IPP: variants seen among roughly 807,000 people sequenced by gnomAD.
IPP encodes the protein actin-binding protein IPP.
Under a neutral mutation model 64.1 loss-of-function variants are expected in IPP, and 41 were observed. The ratio of observed to expected loss-of-function variants is 0.64; its 90% CI spans 0.50 to 0.83. The LOEUF is 0.83. Ranked by LOEUF, IPP falls within the 40% of genes least tolerant of loss-of-function variation. IPP has a pLI of 0.00. For synonymous variants in IPP, 214 were observed against 235.2 expected (o/e 0.91, Z 0.83); for missense variants, 649 against 703.0 (o/e 0.92, Z 0.87).
At chr1:45,737,250 T>C (rs1318830372) in intron 3 of IPP, among the ~76,000 whole-genome samples, 3 of 152,018 alleles carry the variant, frequency 2.0e-5, no homozygotes, top group Non-Finnish European at 4.4e-5. Flanking sequence ...TCTCCCTTGT[T>C]TAAACATTTA....
At chr1:45,729,810 T>A (rs763407441) in intron 3 of IPP, 41 bp from the exon 4 acceptor site, 19 of 1,209,004 alleles carry the variant, frequency 1.6e-5, no homozygotes, top group African/African-American at 3.2e-5. Flanking sequence ...AAACAATTTT[T>A]AAATAATATT....
At chr1:45,743,286 A>G (rs1178336530) in intron 2 of IPP, among the ~76,000 whole-genome samples, 1 of 146,878 alleles carries the variant, frequency 6.8e-6, no homozygotes, top group Non-Finnish European at 1.5e-5. Context: ...TGCCCAGGCT[A>G]GAGTACAGTG....
chr1:45,712,084 G>A (rs759135979), intron 8 of IPP, among the ~76,000 whole-genome samples: 2 of 152,052 alleles, frequency 1.3e-5, no homozygotes, highest in African/African-American at 2.4e-5. Context: ...GGAAGGCCGA[G>A]TCGGGTGGAT....
At chr1:45,744,837 CAA>C (rs34472879) in intron 2 of IPP, among the ~76,000 whole-genome samples, 16 of 130,098 alleles carry the variant, frequency 1.2e-4, no homozygotes, top group South Asian at 9.6e-4. Flanking sequence ...GACTCTGTCT[CAA>C]AAAAAAAAAA....
chr1:45,732,053 A>G (rs565981028), intron 3 of IPP, among the ~76,000 whole-genome samples: 10 of 152,230 alleles, frequency 6.6e-5, no homozygotes, highest in Non-Finnish European at 1.5e-4. Flanking sequence ...TTCACATGAT[A>G]CAATTGTTTA....
intron 4 of IPP, among the ~76,000 whole-genome samples, chr1:45,729,159 AAG>A (rs1426699974): frequency 6.6e-6 from 1 of 150,618 alleles, no homozygotes; most frequent in Admixed American, 6.7e-5. Context: ...AAAAAAAAAA[AAG>A]AAGAAGTTGT....
At chr1:45,702,308 T>C (rs1645465573) in intron 8 of IPP, among the ~76,000 whole-genome samples, 1 of 148,588 alleles carries the variant, frequency 6.7e-6, no homozygotes, top group African/African-American at 2.5e-5. Context: ...CCATGTTACC[T>C]CAAAAAAAAA....
intron 8 of IPP, among the ~76,000 whole-genome samples, chr1:45,708,589 G>GA (rs1645545648): frequency 1.4e-5 from 2 of 144,310 alleles, no homozygotes; most frequent in South Asian, 4.4e-4. Flanking sequence ...TGAGGCAGGA[G>GA]AATCACTTGA....
chr1:45,716,185 G>A (rs769361488), intron 7 of IPP, among the ~76,000 whole-genome samples: 10 of 152,036 alleles, frequency 6.6e-5, no homozygotes, highest in African/African-American at 9.7e-5. Flanking sequence ...TTATGTGAGC[G>A]GCATCACAAT....
intron 3 of IPP, among the ~76,000 whole-genome samples, chr1:45,731,897 A>G (rs1645911291): frequency 6.6e-6 from 1 of 151,466 alleles, no homozygotes. Context: ...TATCACGGCC[A>G]CTGCACTCCA....
chr1:45,712,804 G>A (rs1335362255), intron 8 of IPP, among the ~76,000 whole-genome samples: 1 of 147,686 alleles, frequency 6.8e-6, no homozygotes, highest in Non-Finnish European at 1.5e-5. Flanking sequence ...CTTGTAGTGA[G>A]CCCAGATCAC....
rs1215785641 is a variant in IPP at position 45,724,871 on chromosome 1, C to T, written c.1048+2760G>A. The stretch of plus-strand genomic sequence containing the variant: ...GGAGCGTCTCCGCCCGGCAGCCACC[C>T]CGTCGGGGAGGGAGGTGGGGGGGGT... On this transcript the variant is annotated intron_variant, in intron 5 of 8. Transcript: ENST00000396478. 2.1e-3 allele frequency among the ~76,000 whole-genome samples: 320 copies of T among 150,940 alleles called. 1 individual carries two copies. Among genetic ancestry groups the T allele is most frequent in the Non-Finnish European group, 4.0e-3 (268 of 67,460 alleles).
At position 45,741,818 on chromosome 1, in the gene IPP, C is replaced by T. The variant is rs1242831168; in HGVS notation, c.293-486G>A. On this transcript the variant is annotated intron_variant, in intron 2 of 8. Coordinates refer to ENST00000396478, the MANE Select transcript of IPP (RefSeq NM_005897.3). Reference sequence around the variant, plus strand: ...TAATTTTTTGTATTTTTAGTAGAGACGGGGTTTCACCGTGTTAGCCAAGAT... The same window carrying T: ...TAATTTTTTGTATTTTTAGTAGAGATGGGGTTTCACCGTGTTAGCCAAGAT... Among the ~76,000 whole-genome samples the T allele has an allele frequency of 7.3e-5, 7 of 95,294 alleles. 1 individual carries two copies. Among genetic ancestry groups the T allele is most frequent in the Admixed American group, 3.3e-4 (3 of 8,998 alleles). 62.5% of individuals were successfully genotyped at this position (95,294 alleles called of 152,430 possible).
In IPP at chr1:45,714,273, A is replaced by G. The variant is rs769929125; in HGVS notation, c.1503T>C (p.His501=). ...GGWNETQDAL[H]TVEKYSFEEE... The stretch of plus-strand genomic sequence containing the variant: ...CTTCAAAGGAATATTTTTCTACAGT[A>G]TGAAGAGCATCTTGGGTCTCATTCC... The change falls in exon 8 of 9, where the codon CAT becomes CAC. Residue 501 remains histidine (H), a synonymous_variant. Transcript: ENST00000396478. 6.2e-7 allele frequency: 1 copy of G among 1,613,738 alleles called. No individual in the cohort carries two copies. Among genetic ancestry groups the G allele is most frequent in the East Asian group, 2.2e-5 (1 of 44,882 alleles).
chr1:45,727,143 G>A (rs971179125), intron 5 of IPP, among the ~76,000 whole-genome samples: 2 of 152,052 alleles, frequency 1.3e-5, no homozygotes, highest in African/African-American at 2.4e-5. Context: ...TCTGCCTCCT[G>A]GGCTCAAGCA....
intron 8 of IPP, among the ~76,000 whole-genome samples, chr1:45,712,452 T>G (rs575715745): frequency 1.3e-5 from 2 of 152,020 alleles, no homozygotes; most frequent in Non-Finnish European, 2.9e-5. Context: ...AGAAATAAAT[T>G]AGAAGTCAAT....
In IPP at chr1:45,738,636, C is replaced by T. The variant is rs368719045; in HGVS notation, c.724+2265G>A. Among the ~76,000 whole-genome samples, 29 of 151,870 alleles carry T rather than the reference C, an allele frequency of 1.9e-4. No homozygotes were observed. The South Asian group carries it at 4.6e-3, about 24-fold the overall frequency. ...CGGGTGGATCACGAGGTCAGGAGATCGAGACCATCCTGGCTAACACGGTGA... is the reference window on the plus strand; with the variant it reads ...CGGGTGGATCACGAGGTCAGGAGATTGAGACCATCCTGGCTAACACGGTGA... On this transcript the variant is annotated intron_variant, in intron 3 of 8. Transcript: ENST00000396478.
chr1:45,721,318 C>G (rs1233351340), intron 5 of IPP, among the ~76,000 whole-genome samples: 2 of 152,192 alleles, frequency 1.3e-5, no homozygotes, highest in Non-Finnish European at 2.9e-5. Context: ...GTGGTTTATG[C>G]TGAACACACG....
chr1:45,698,767 G>A lies in IPP; in HGVS notation c.*1199C>T, dbSNP rs897753521. 19 of 635,148 alleles carry A rather than the reference G, an allele frequency of 3.0e-5. No homozygotes were observed. Among genetic ancestry groups the A allele is most frequent in the Middle Eastern group, 7.9e-4 (1 of 1,272 alleles). The allele number at this position is 635,148 out of a possible 1,614,324, so 39.3% of individuals were successfully genotyped here. A position where few individuals can be genotyped will look rare whatever the true frequency, so the allele number is the denominator to read the frequency against. On this transcript the variant is annotated 3_prime_UTR_variant, in exon 9 of 9. Transcript: ENST00000396478. ...AGGTTCTCATGCTGTCACCCAGGCC[G>A]GTGTGCAGTGGCACAATCTTGGCTC... is the stretch of plus-strand genomic sequence containing the variant.
Sources: gnomAD v4.1 joint callset for allele counts (sites outside exome capture counted in the v4.1 genomes callset) on GRCh38, gnomAD v4.1.1 for gene constraint, MANE v1.5 for transcripts, NCBI Gene and HGNC (gene_info 2026-07-23, HGNC 2026-07-21) for gene names.